The following PI4KB variants were observed in gnomAD, a reference collection of about 807,000 sequenced individuals.
PI4KB encodes the protein phosphatidylinositol 4-kinase beta.
A neutral mutation model predicts 81.4 loss-of-function variants in PI4KB; 23 were observed. The ratio of observed to expected loss-of-function variants is 0.28; its 90% CI spans 0.20 to 0.40. The LOEUF is 0.40. Among genes scored for constraint, PI4KB ranks in the 10% least tolerant of loss-of-function variants. PI4KB has a pLI of 1.00. For synonymous variants in PI4KB, 381 were observed against 406.8 expected, an observed-to-expected ratio of 0.94 and a Z score of 0.76; for missense variants, 651 against 1,036.6, an observed-to-expected ratio of 0.63 and a Z score of 5.11.
At chr1:151,297,561 G>T (rs1694917230) in intron 9 of PI4KB, among the ~76,000 whole-genome samples, 3 of 149,756 alleles carry the variant, frequency 2.0e-5, no homozygotes. Flanking sequence ...TTTTGAGTTG[G>T]AATTTCACCC....
At position 151,320,573 on chromosome 1, in the gene PI4KB, T is replaced by C. The variant is rs1648709035; in HGVS notation, c.-28-4064A>G. Among the ~76,000 whole-genome samples, 3 of 152,208 alleles carry C rather than the reference T, an allele frequency of 2.0e-5. No homozygotes were observed. In the South Asian group the frequency reaches 6.2e-4, roughly 32 times the overall value. On this transcript the variant is annotated intron_variant, in intron 1 of 11. Coordinates refer to ENST00000368873, the MANE Select transcript of PI4KB (RefSeq NM_001369623.2). ...GTGGCAACTCTTTCACTATGCTCTC[T>C]CCCAAAATTAGGTAGTGCCCTCTGA...
Position 151,298,800 on chromosome 1 carries a change from T to G in PI4KB, c.2015+8A>C. The G allele has an allele frequency of 1.2e-6, 2 of 1,608,156 alleles. No individual in the cohort carries two copies. Among genetic ancestry groups the G allele is most frequent in the African/African-American group, 2.7e-5 (2 of 74,960 alleles). On this transcript the variant is annotated splice_region_variant and intron_variant, in intron 9 of 11. Coordinates refer to ENST00000368873, the MANE Select transcript of PI4KB (RefSeq NM_001369623.2). ...GAAATGTTAGGATGAGCAGCAGAAGTCACCTACCTGTCCTTGACTTGCAGC... is the reference window on the plus strand; with the variant it reads ...GAAATGTTAGGATGAGCAGCAGAAGGCACCTACCTGTCCTTGACTTGCAGC...
intron 9 of PI4KB, 126 bp from the exon 10 acceptor site, chr1:151,294,667 C>T (rs1270310358): frequency 2.6e-6 from 2 of 757,538 alleles, no homozygotes; most frequent in Non-Finnish European, 4.5e-6. Context: ...TTCCTGCTGC[C>T]CGTAACTCCA....
At chr1:151,316,742 C>CCT (rs2101995891) in intron 1 of PI4KB, among the ~76,000 whole-genome samples, 1 of 152,304 alleles carries the variant, frequency 6.6e-6, no homozygotes, top group South Asian at 2.1e-4. Context: ...CTCAGCTTAG[C>CCT]CTCTGTTCTT....
At chr1:151,299,124 G>A (rs587770815) in intron 8 of PI4KB, 51 bp from the exon 9 acceptor site, 1 of 1,539,318 alleles carries the variant, frequency 6.5e-7, no homozygotes, top group African/African-American at 1.4e-5. Flanking sequence ...CCAAACTAGA[G>A]AAGAAGGCTA....
rs758409035 is a variant in PI4KB, at chr1:151,299,118, A to T, written c.1750-45T>A. On this transcript the variant is annotated intron_variant, in intron 8 of 11. Transcript: ENST00000368873. ...ATACAGGACTCTTATCTTTCTCCAA[A>T]CTAGAGAAGAAGGCTAAAACTCTTC... is the stretch of plus-strand genomic sequence containing the variant. 6 of 1,565,688 alleles carry T rather than the reference A, an allele frequency of 3.8e-6. No homozygotes were observed. The Admixed American group carries it at 1.0e-4, about 26-fold the overall frequency.
Position 151,316,091 on chromosome 1 carries a change from G to A in PI4KB, c.391C>T (p.Leu131=), listed in dbSNP as rs1476176830. ...AACAGTTTTGACTCAAACAGCCTCA[G>A]CAGCCAAGACTGTTTAGCTGAGTTG... ...QNNSAKQSWL[L]RLFESKLFDI... Residue 131 remains leucine, a synonymous_variant, in exon 2 of 12, where the codon CTG becomes TTG. Coordinates refer to ENST00000368873, the MANE Select transcript of PI4KB (RefSeq NM_001369623.2). 1.2e-6 allele frequency: 2 copies of A among 1,614,138 alleles called. No individual in the cohort carries two copies. Among genetic ancestry groups the A allele is most frequent in the Non-Finnish European group, 1.7e-6 (2 of 1,180,036 alleles).
chr1:151,310,303 A>C, intron 2 of PI4KB, 48 bp from the exon 3 acceptor site: 1 of 621,244 alleles, frequency 1.6e-6, no homozygotes, highest in Non-Finnish European at 3.0e-6. Context: ...GTGGGAAGGG[A>C]GGGGAGAGAG....
chr1:151,299,135 A>C lies in PI4KB; in HGVS notation c.1750-62T>G, dbSNP rs1416670709. Reference sequence around the variant, plus strand: ...TTCTCCAAACTAGAGAAGAAGGCTAAAACTCTTCCCTTTCTCCAGCCTCTC... The same window carrying C: ...TTCTCCAAACTAGAGAAGAAGGCTACAACTCTTCCCTTTCTCCAGCCTCTC... On this transcript the variant is annotated intron_variant, in intron 8 of 11. Transcript: ENST00000368873. 2.8e-6 allele frequency: 4 copies of C among 1,452,272 alleles called. No homozygotes were observed. The Admixed American group carries it at 5.2e-5, about 19-fold the overall frequency. 90.0% of individuals were successfully genotyped at this position (1,452,272 alleles called of 1,614,324 possible). A position where few individuals can be genotyped will look rare whatever the true frequency, so the allele number is the denominator to read the frequency against.
rs112358199 is a variant in PI4KB, at chr1:151,325,791, G to A, written c.-29+1480C>T. On this transcript the variant is annotated intron_variant, in intron 1 of 11. Transcript: ENST00000368873. ...ACCTTTTGCCTGAGGAACCCAAAAT[G>A]TTTTGTAAACAAATAAACCAAATCT... Among the ~76,000 whole-genome samples, 676 of 152,272 alleles carry A rather than the reference G, an allele frequency of 4.4e-3. 7 individuals carry two copies. Among genetic ancestry groups the A allele is most frequent in the Middle Eastern group, 0.014 (4 of 294 alleles).
intron 1 of PI4KB, among the ~76,000 whole-genome samples, chr1:151,318,038 C>T (rs967741015): frequency 2.0e-5 from 3 of 152,128 alleles, no homozygotes; most frequent in Non-Finnish European, 4.4e-5. Flanking sequence ...GCTTTGAACG[C>T]CTGGCCTCAA....
chr1:151,293,781 A>G, intron 11 of PI4KB: 8 of 483,200 alleles, frequency 1.7e-5, no homozygotes, highest in South Asian at 1.5e-4. Context: ...TTTTCTCCCT[A>G]AAGATGCCAA....
At position 151,294,496 on chromosome 1, in the gene PI4KB, G is replaced by A. The variant is rs754307917; in HGVS notation, c.2061C>T (p.His687=). The change falls in exon 10 of 12, where the codon CAC becomes CAT. Residue 687 remains histidine (H), a synonymous_variant. Transcript: ENST00000368873. ...ILLDAEGHII[H]IDFGFILSSS... is the part of the protein sequence containing the mutation. Reference sequence around the variant, plus strand: ...TGGAGAGGATGAAGCCAAAGTCGATGTGGATGATGTGGCCTTCTGCGTCCA... The same window carrying A: ...TGGAGAGGATGAAGCCAAAGTCGATATGGATGATGTGGCCTTCTGCGTCCA... The A allele has an allele frequency of 1.9e-6, 3 of 1,613,942 alleles. No homozygotes were observed. Among genetic ancestry groups the A allele is most frequent in the East Asian group, 4.5e-5 (2 of 44,884 alleles).
intron 2 of PI4KB, 47 bp downstream of exon 2, chr1:151,315,526 T>C: frequency 7.5e-7 from 1 of 1,331,400 alleles, no homozygotes. Context: ...CCTGTCTCCA[T>C]GCAGCCCTCT....
chr1:151,301,808 A>G, intron 8 of PI4KB, 36 bp downstream of exon 8: 11 of 1,606,286 alleles, frequency 6.8e-6, no homozygotes, highest in Non-Finnish European at 9.4e-6. Flanking sequence ...CTGGGATTAC[A>G]GCCACTGTGC....
At chr1:151,304,949 C>A (rs1177893827) in intron 5 of PI4KB, among the ~76,000 whole-genome samples, 1 of 152,082 alleles carries the variant, frequency 6.6e-6, no homozygotes, top group Non-Finnish European at 1.5e-5. Flanking sequence ...ACTGCCTCAG[C>A]CTCCCGATTA....
At position 151,316,408 on chromosome 1, in the gene PI4KB, T is replaced by C. The variant is rs1647950741; in HGVS notation, c.74A>G (p.Asn25Ser). 1 of 1,593,022 alleles carries C rather than the reference T, an allele frequency of 6.3e-7. No individual in the cohort carries two copies. Among genetic ancestry groups the C allele is most frequent in the Admixed American group, 1.7e-5 (1 of 57,848 alleles). ...GATGACACTTAGCAGGGACCCCCCATTATTCCCTGGTGGGCCAGAAGTGGG... is the reference window on the plus strand; with the variant it reads ...GATGACACTTAGCAGGGACCCCCCACTATTCCCTGGTGGGCCAGAAGTGGG... ...SEPTSGPPGN[N>S]GGSLLSVITE... Residue 25 changes from asparagine (N) to serine (S), a missense_variant, in exon 2 of 12, where the codon AAT (asparagine) becomes AGT (serine). By Grantham distance (46) the Asn-to-Ser change is conservative. Transcript: ENST00000368873.
intron 11 of PI4KB, 132 bp downstream of exon 11, chr1:151,293,886 C>T (rs1037836558): frequency 2.0e-6 from 2 of 981,996 alleles, no homozygotes; most frequent in African/African-American, 3.3e-5. Context: ...GGCACTGGAC[C>T]AGAGCTAGAA....
intron 6 of PI4KB, 46 bp downstream of exon 6, chr1:151,303,495 C>T (rs1472075841): frequency 8.8e-7 from 1 of 1,132,610 alleles, no homozygotes; most frequent in South Asian, 1.2e-5. Flanking sequence ...ATGGGAAGTT[C>T]CTGAAAGAGG....
Sources: allele counts gnomAD v4.1 joint callset (sites outside exome capture counted in the v4.1 genomes callset), GRCh38; gene constraint gnomAD v4.1.1; transcripts MANE v1.5; gene names NCBI Gene and HGNC (gene_info 2026-07-23, HGNC 2026-07-21).